Variants in MUTYH observed in about 807,000 individuals in gnomAD.
MUTYH encodes mutY DNA glycosylase, also known as adenine DNA glycosylase.
In MUTYH, 64 loss-of-function variants were observed where a neutral mutation model predicts 72.9. That is an observed-to-expected ratio of 0.88 (90% CI 0.72 to 1.08). The LOEUF (loss-of-function observed/expected upper bound fraction) is 1.08. MUTYH is among the 50% of genes least tolerant of loss of function. MUTYH has a pLI of 0.00. For missense variants in MUTYH, 633 were observed against 671.0 expected, an observed-to-expected ratio of 0.94 and a Z score of 0.63; for synonymous variants, 234 against 263.1, an observed-to-expected ratio of 0.89 and a Z score of 1.07.
rs377360540 is a variant in MUTYH, at chr1:45,333,733, C to T, written c.116-172G>A. On this transcript the variant is annotated intron_variant, in intron 2 of 15. Coordinates refer to ENST00000456914, the MANE Select transcript of MUTYH (RefSeq NM_001048174.2). ...GTTATGTAATTGTGTGTAGCTGTGG[C>T]TAAGTTTCTGGCCTTAATTTTCTCA... The T allele has an allele frequency of 5.1e-5, 52 of 1,021,618 alleles. No individual in the cohort carries two copies. The African/African-American group carries it at 7.8e-4, about 15-fold the overall frequency. The allele number at this position is 1,021,618 out of a possible 1,614,324, so 63.3% of individuals were successfully genotyped here.
At chr1:45,334,011 T>C (rs760910162) in intron 2 of MUTYH, 1 of 370,806 alleles carries the variant, frequency 2.7e-6, no homozygotes, top group Non-Finnish European at 5.1e-6. Flanking sequence ...CCTCAGTGAG[T>C]CTCTTTTGTT....
At chr1:45,330,438 C>G in intron 15 of MUTYH, 78 bp downstream of exon 15, 1 of 1,447,572 alleles carries the variant, frequency 6.9e-7, no homozygotes, top group Non-Finnish European at 9.5e-7. Context: ...TTCACCCAGA[C>G]ATTCGTTAGT....
intron 3 of MUTYH, 23 bp from the exon 4 acceptor site, chr1:45,333,347 G>A: frequency 6.2e-7 from 1 of 1,614,202 alleles, no homozygotes; most frequent in Non-Finnish European, 8.5e-7. Context: ...CCCCAGATGA[G>A]GAGTTAGGGT....
chr1:45,332,641 A>G lies in MUTYH; in HGVS notation c.539T>C (p.Leu180Pro), dbSNP rs764850896. 2 of 1,614,166 alleles carry G rather than the reference A, an allele frequency of 1.2e-6. No homozygotes were observed. Among genetic ancestry groups the G allele is most frequent in the South Asian group, 1.1e-5 (1 of 91,084 alleles). ...CCCCACGCCAGGCAGGAGCTGCTGC[A>G]GGGTCTCTGCTGTACGTGGCATGTG... ...GGHMPRTAET[L>P]QQLLPGVGRY... Residue 180 changes from leucine to proline, a missense_variant, in exon 8 of 16, where the codon CTG (leucine) becomes CCG (proline). Physicochemically the swap from Leu to Pro is moderately conservative, Grantham distance 98. Transcript: ENST00000456914.
chr1:45,330,445 T>C lies in MUTYH; in HGVS notation c.1434+71A>G, dbSNP rs550840149. On this transcript the variant is annotated intron_variant, in intron 15 of 15. Transcript: ENST00000456914. ...GGAGAATGTTCACCCAGACATTCGT[T>C]AGTTAACTGACTAAAAACCTATGGA... The C allele has an allele frequency of 2.5e-5, 37 of 1,480,850 alleles. 1 individual carries two copies. The South Asian group carries it at 4.2e-4, about 17-fold the overall frequency. 91.7% of individuals were successfully genotyped at this position (1,480,850 alleles called of 1,614,324 possible). A position where few individuals can be genotyped will look rare whatever the true frequency, so the allele number is the denominator to read the frequency against.
At position 45,332,008 on chromosome 1, in the gene MUTYH, A is replaced by G. The variant is rs1191301381; in HGVS notation, c.913+15T>C. The G allele has an allele frequency of 2.5e-6, 4 of 1,614,150 alleles. No individual in the cohort carries two copies. The highest frequency in any genetic ancestry group is 1.7e-4 in the Middle Eastern group (1 of 6,060). ...GCCAGGAAGGGTTGGGGTGGGGGCT[A>G]GGTTTGGTGCTCACCACACTCCTCC... On this transcript the variant is annotated intron_variant, in intron 11 of 15. Coordinates refer to ENST00000456914, the MANE Select transcript of MUTYH (RefSeq NM_001048174.2).
intron 1 of MUTYH, among the ~76,000 whole-genome samples, chr1:45,337,156 T>G (rs1646011334): frequency 6.6e-6 from 1 of 151,960 alleles, no homozygotes; most frequent in South Asian, 2.1e-4. Flanking sequence ...TCTTTTTTTT[T>G]TTTTTGGGAT....
intron 1 of MUTYH, among the ~76,000 whole-genome samples, chr1:45,337,720 C>T (rs1050617378): frequency 2.6e-5 from 4 of 151,948 alleles, no homozygotes; most frequent in Non-Finnish European, 5.9e-5. Flanking sequence ...CTGGGCTCAG[C>T]AAGACCTTGT....
Position 45,339,498 on chromosome 1 carries a change from G to A in MUTYH, c.-7+401C>T, listed in dbSNP as rs3219470. On this transcript the variant is annotated intron_variant, in intron 1 of 15. Coordinates refer to ENST00000456914, the MANE Select transcript of MUTYH (RefSeq NM_001048174.2). ...CAAAGTGCTGGGATTACAGGCGTGA[G>A]CCACCGCGCCCGGCCTAGGAACCTC... 6.6e-3 allele frequency among the ~76,000 whole-genome samples: 1,003 copies of A among 152,210 alleles called. 4 individuals carry two copies. Among genetic ancestry groups the A allele is most frequent in the Non-Finnish European group, 7.6e-3 (516 of 68,006 alleles).
In MUTYH at chr1:45,332,803, TAGCCCAGGCC is replaced by T. The variant is rs1057517457; in HGVS notation, c.442_451del (p.Gly148ThrfsTer16). 2 of 1,614,066 alleles carry T rather than the reference TAGCCCAGGCC, an allele frequency of 1.2e-6. No homozygotes were observed. The highest frequency in any genetic ancestry group is 2.7e-5 in the African/African-American group (2 of 74,902). ...CTGCAGCCGCCGGCCACGAGAATAG[TAGCCCAGGCC>T]AGCCCAGAGTTGATTCACCTCCTGT... is the stretch of plus-strand genomic sequence containing the variant. On this transcript the variant is annotated frameshift_variant, in exon 7 of 16. Coordinates refer to ENST00000456914, the MANE Select transcript of MUTYH (RefSeq NM_001048174.2). LOFTEE classifies it high-confidence loss of function.
chr1:45,338,559 A>T (rs1646316697), intron 1 of MUTYH: 5 of 288,932 alleles, frequency 1.7e-5, no homozygotes, highest in Admixed American at 8.6e-5. Context: ...TACTTCCTGA[A>T]TTTGACTGTA....
chr1:45,334,160 C>T (rs1163215591), intron 2 of MUTYH: 2 of 506,002 alleles, frequency 4.0e-6, no homozygotes, highest in East Asian at 8.1e-5. Flanking sequence ...ACGCTCACCA[C>T]CACGCGAGCA....
In MUTYH at chr1:45,332,164, ACT is replaced by A. The variant is rs1553127514; in HGVS notation, c.849_849+1del. ...TCACTGCCCCTTCCCCAGTAGGCTT[ACT>A]CTCTGGCGTGCCCGGCACAGGCTCT... is the stretch of plus-strand genomic sequence containing the variant. On this transcript the variant is annotated splice_donor_variant and coding_sequence_variant, in exon 10 of 16. Transcript: ENST00000456914. LOFTEE classifies it high-confidence loss of function. 8.7e-6 allele frequency: 14 copies of A among 1,613,910 alleles called. No homozygotes were observed. The highest frequency in any genetic ancestry group is 1.2e-5 in the Non-Finnish European group (14 of 1,179,962).
chr1:45,333,615 G>C lies in MUTYH; in HGVS notation c.116-54C>G, dbSNP rs367908623. 1 of 1,600,088 alleles carries C rather than the reference G, an allele frequency of 6.2e-7. No homozygotes were observed. The highest frequency in any genetic ancestry group is 8.5e-7 in the Non-Finnish European group (1 of 1,171,986). On this transcript the variant is annotated intron_variant, in intron 2 of 15. Coordinates refer to ENST00000456914, the MANE Select transcript of MUTYH (RefSeq NM_001048174.2). The stretch of plus-strand genomic sequence containing the variant: ...CATCCCTGCACAGGCTGTGCATCAG[G>C]GTCTTGGGACACAGCAGCCTGTGGC...
chr1:45,334,796 T>C (rs1645634914), intron 1 of MUTYH, among the ~76,000 whole-genome samples: 1 of 152,198 alleles, frequency 6.6e-6, no homozygotes, highest in African/African-American at 2.4e-5. Flanking sequence ...AGCCTCCTGT[T>C]TGGGAGCATT....
At chr1:45,333,961 A>C in intron 2 of MUTYH, 2 of 377,112 alleles carry the variant, frequency 5.3e-6, no homozygotes, top group African/African-American at 2.1e-5. Flanking sequence ...ATTCAGAGCA[A>C]TTGTCCCAAT....
chr1:45,334,580 G>A, intron 1 of MUTYH, 69 bp from the exon 2 acceptor site: 1 of 1,601,986 alleles, frequency 6.2e-7, no homozygotes, highest in Non-Finnish European at 8.5e-7. Context: ...TTCCAAGGGT[G>A]ATAGCTATCT....
chr1:45,330,232 A>AAAAC (rs1644555124), intron 15 of MUTYH, among the ~76,000 whole-genome samples: 2 of 144,380 alleles, frequency 1.4e-5, no homozygotes, highest in East Asian at 4.1e-4. Context: ...CTGTCTCAAA[A>AAAAC]AAAAAAAAAA....
intron 1 of MUTYH, among the ~76,000 whole-genome samples, chr1:45,338,810 T>G (rs1270306041): frequency 6.6e-6 from 1 of 151,814 alleles, no homozygotes; most frequent in Non-Finnish European, 1.5e-5. Context: ...GCTCTGCCAC[T>G]CAGGCTGGAG....
Sources: gnomAD v4.1 joint callset for allele counts (sites outside exome capture counted in the v4.1 genomes callset) on GRCh38, gnomAD v4.1.1 for gene constraint, MANE v1.5 for transcripts, NCBI Gene and HGNC (gene_info 2026-07-23, HGNC 2026-07-21) for gene names.